ATP8B4: variants seen among roughly 807,000 people sequenced by gnomAD.
The protein encoded by ATP8B4 is probable phospholipid-transporting ATPase IM.
In ATP8B4, 133 loss-of-function variants were observed where a neutral mutation model predicts 145.6. The ratio of observed to expected loss-of-function variants is 0.91; its 90% CI spans 0.79 to 1.05. ATP8B4 has a LOEUF of 1.05. Ranked by LOEUF, ATP8B4 falls within the 50% of genes least tolerant of loss-of-function variation. ATP8B4 has a pLI of 0.00. For synonymous variants in ATP8B4, 507 were observed against 492.9 expected (o/e 1.03, Z -0.38); for missense variants, 1,458 against 1,425.2 (o/e 1.02, Z -0.37).
chr15:49,898,386 G>A, intron 21 of ATP8B4, 135 bp from the exon 22 acceptor site: 1 of 962,014 alleles, frequency 1.0e-6, no homozygotes, highest in East Asian at 2.6e-5. Context: ...AAAAGTCATT[G>A]TTGATTCAGA....
At position 49,923,413 on chromosome 15, in the gene ATP8B4, T is replaced by G. The variant is rs548891167; in HGVS notation, c.1724A>C (p.Glu575Ala). 1.7e-5 allele frequency: 28 copies of G among 1,613,442 alleles called. No homozygotes were observed. In the East Asian group the frequency reaches 6.2e-4, roughly 36 times the overall value. The change falls in exon 17 of 28, where the codon GAA (glutamate) becomes GCA (alanine). Residue 575 changes from glutamate to alanine, a missense_variant. By Grantham distance (107) the Glu-to-Ala change is moderately radical. Coordinates refer to ENST00000284509, the MANE Select transcript of ATP8B4 (RefSeq NM_024837.4). ...GTCTGACGTCAAAGACAAAAGGACT[T>G]CATTGGAAGGATGAAGTTTTTCAAA... is the stretch of plus-strand genomic sequence containing the variant. ...ILFEKLHPSN[E>A]VLLSLTSDHL...
At chr15:50,038,470 C>G (rs2051007442) in intron 6 of ATP8B4, among the ~76,000 whole-genome samples, 1 of 152,118 alleles carries the variant, frequency 6.6e-6, no homozygotes, top group Admixed American at 6.5e-5. Context: ...ACATACAGAA[C>G]CCCATATGCA....
intron 1 of ATP8B4, among the ~76,000 whole-genome samples, chr15:50,127,765 C>G (rs2057316889): frequency 6.6e-6 from 1 of 152,162 alleles, no homozygotes; most frequent in South Asian, 2.1e-4. Flanking sequence ...TAAAACTGTT[C>G]AAGGCAGCTC....
At chr15:49,914,797 TTAAA>T (rs1300721504) in intron 20 of ATP8B4, among the ~76,000 whole-genome samples, 2 of 152,130 alleles carry the variant, frequency 1.3e-5, no homozygotes, top group South Asian at 2.1e-4. Context: ...ATAGCTACTA[TTAAA>T]TAAATAAATT....
At chr15:50,049,995 T>C (rs2052051992) in intron 3 of ATP8B4, among the ~76,000 whole-genome samples, 1 of 152,198 alleles carries the variant, frequency 6.6e-6, no homozygotes, top group Non-Finnish European at 1.5e-5. Flanking sequence ...GCAAATTCCA[T>C]GCCTGGGGTC....
chr15:49,888,688 C>T (rs1272727957), intron 23 of ATP8B4, among the ~76,000 whole-genome samples: 1 of 152,128 alleles, frequency 6.6e-6, no homozygotes. Flanking sequence ...GTGGATGCCA[C>T]AAAACTCATG....
chr15:49,941,777 A>G (rs1258184263), intron 14 of ATP8B4, among the ~76,000 whole-genome samples: 1 of 152,230 alleles, frequency 6.6e-6, no homozygotes, highest in Non-Finnish European at 1.5e-5. Context: ...TTGCAAAGAT[A>G]CAAAACCAAT....
At chr15:50,095,947 G>A (rs751170932) in intron 2 of ATP8B4, among the ~76,000 whole-genome samples, 4 of 152,132 alleles carry the variant, frequency 2.6e-5, no homozygotes, top group Non-Finnish European at 5.9e-5. Context: ...AATCTAAAGC[G>A]ATATTGATAA....
chr15:49,908,312 C>T (rs2038845948), intron 20 of ATP8B4, among the ~76,000 whole-genome samples: 1 of 152,140 alleles, frequency 6.6e-6, no homozygotes, highest in Admixed American at 6.5e-5. Flanking sequence ...CACAAAGAAG[C>T]ACCAAGATAG....
intron 27 of ATP8B4, among the ~76,000 whole-genome samples, chr15:49,861,412 G>T (rs1337091642): frequency 7.6e-6 from 1 of 131,738 alleles, no homozygotes; most frequent in Non-Finnish European, 1.6e-5. Flanking sequence ...ATGTGTGTGT[G>T]TGTGTGTGTG....
chr15:49,988,151 G>A (rs1350577461), intron 9 of ATP8B4, among the ~76,000 whole-genome samples: 1 of 152,124 alleles, frequency 6.6e-6, no homozygotes, highest in Admixed American at 6.6e-5. Flanking sequence ...ACTCTCAAAG[G>A]CACCATATAA....
chr15:49,884,009 T>C (rs1157222321), intron 23 of ATP8B4, among the ~76,000 whole-genome samples: 1 of 152,234 alleles, frequency 6.6e-6, no homozygotes, highest in African/African-American at 2.4e-5. Flanking sequence ...TTAACTAGTT[T>C]TACAAAAGTG....
intron 1 of ATP8B4, among the ~76,000 whole-genome samples, chr15:50,171,760 T>C (rs2044677546): frequency 6.6e-6 from 1 of 151,246 alleles, no homozygotes; most frequent in African/African-American, 2.4e-5. Flanking sequence ...ATACAAAGAA[T>C]ACATGAAACA....
intron 1 of ATP8B4, among the ~76,000 whole-genome samples, chr15:50,132,632 A>G (rs2044062513): frequency 6.6e-6 from 1 of 152,248 alleles, no homozygotes; most frequent in Non-Finnish European, 1.5e-5. Flanking sequence ...AGGATTATAA[A>G]TCATTCTACT....
At chr15:49,966,807 C>T (rs758144176) in intron 13 of ATP8B4, among the ~76,000 whole-genome samples, 3 of 152,226 alleles carry the variant, frequency 2.0e-5, no homozygotes, top group Non-Finnish European at 2.9e-5. Context: ...TCCCTGACCC[C>T]TGTGTATCCT....
upstream of ATP8B4, among the ~76,000 whole-genome samples, chr15:50,123,851 C>G (rs2057290049): frequency 6.6e-6 from 1 of 152,110 alleles, no homozygotes; most frequent in South Asian, 2.1e-4. Context: ...TCTCCTCTCT[C>G]TAGGGCAGTA....
intron 14 of ATP8B4, among the ~76,000 whole-genome samples, chr15:49,945,023 CA>C (rs1371731492): frequency 6.6e-6 from 1 of 152,028 alleles, no homozygotes; most frequent in East Asian, 1.9e-4. Context: ...TACAACATGC[CA>C]AACCTCATGG....
intron 1 of ATP8B4, among the ~76,000 whole-genome samples, chr15:50,171,711 G>A (rs1285327647): frequency 2.0e-5 from 3 of 151,644 alleles, no homozygotes; most frequent in Non-Finnish European, 2.9e-5. Flanking sequence ...CAAGATCAGA[G>A]CAGAACTAAA....
At chr15:50,161,134 G>A (rs1312893208) in intron 1 of ATP8B4, among the ~76,000 whole-genome samples, 2 of 151,820 alleles carry the variant, frequency 1.3e-5, no homozygotes, top group Non-Finnish European at 2.9e-5. Context: ...GACCTTCTTT[G>A]TCTCTTCCAG....
Sources: gnomAD v4.1 joint callset for allele counts (sites outside exome capture counted in the v4.1 genomes callset) on GRCh38, gnomAD v4.1.1 for gene constraint, MANE v1.5 for transcripts, NCBI Gene and HGNC (gene_info 2026-07-23, HGNC 2026-07-21) for gene names.